OGDH: variants seen among roughly 807,000 people sequenced by gnomAD.
The protein encoded by OGDH is oxoglutarate dehydrogenase.
Under a neutral mutation model 116.6 loss-of-function variants are expected in OGDH, and 38 were observed. The observed-to-expected ratio is 0.33, with a 90% CI of 0.25 to 0.43. The LOEUF (loss-of-function observed/expected upper bound fraction) is 0.43, where lower values mean the gene tolerates loss of function less well. Ranked by LOEUF, OGDH falls within the 20% of genes least tolerant of loss-of-function variation. The pLI is 1.00. For synonymous variants in OGDH, 488 were observed against 533.3 expected, an observed-to-expected ratio of 0.92 and a Z score of 1.17; for missense variants, 825 against 1,357.2, an observed-to-expected ratio of 0.61 and a Z score of 6.16.
intron 2 of OGDH, among the ~76,000 whole-genome samples, chr7:44,626,588 C>T (rs1302253993): frequency 6.6e-6 from 1 of 152,140 alleles, no homozygotes; most frequent in Non-Finnish European, 1.5e-5. Context: ...ACTGCATGTC[C>T]TTGTGAAGGT....
Position 44,647,773 on chromosome 7 carries a change from A to AC in OGDH, c.517+14_517+15insC. On this transcript the variant is annotated intron_variant, in intron 4 of 22. Coordinates refer to ENST00000222673, the MANE Select transcript of OGDH (RefSeq NM_002541.4). ...CAGACAAACTTGGTGAGGGTCTGAG[A>AC]GCAGTCAGCTGCGTTGCTTGAGCTC... 3 of 1,606,998 alleles carry AC rather than the reference A, an allele frequency of 1.9e-6. No homozygotes were observed. The highest frequency in any genetic ancestry group is 2.6e-6 in the Non-Finnish European group (3 of 1,173,636).
chr7:44,676,318 G>T, intron 9 of OGDH, 169 bp downstream of exon 9: 2 of 1,438,210 alleles, frequency 1.4e-6, no homozygotes, highest in Non-Finnish European at 1.9e-6. Flanking sequence ...CACTTTGGGA[G>T]GCCGAGGTGG....
intron 4 of OGDH, among the ~76,000 whole-genome samples, chr7:44,652,045 A>G (rs1262682373): frequency 6.6e-6 from 1 of 151,758 alleles, no homozygotes; most frequent in African/African-American, 2.4e-5. Flanking sequence ...TTAATTTTAG[A>G]ACAGTTTCTC....
At chr7:44,617,699 C>T (rs1232071235) in intron 1 of OGDH, among the ~76,000 whole-genome samples, 2 of 152,154 alleles carry the variant, frequency 1.3e-5, no homozygotes, top group East Asian at 3.8e-4. Flanking sequence ...CATGATTCAT[C>T]AGAAGAATTG....
At chr7:44,670,976 A>C (rs1431948609) in intron 5 of OGDH, among the ~76,000 whole-genome samples, 1 of 145,184 alleles carries the variant, frequency 6.9e-6, no homozygotes, top group Non-Finnish European at 1.5e-5. Flanking sequence ...GTGCTACTGC[A>C]CTCCAGCCTG....
chr7:44,647,594 CCT>C (rs1390597837), intron 3 of OGDH, 61 bp from the exon 4 acceptor site: 1 of 1,585,968 alleles, frequency 6.3e-7, no homozygotes, highest in Non-Finnish European at 8.6e-7. Context: ...TTACCCCTTC[CCT>C]CTTTTTTTTT....
Position 44,708,368 on chromosome 7 carries a change from C to T in OGDH, c.*369C>T, listed in dbSNP as rs1208297034. ...CCTTGTGTGCTGGCTTCCGCTGTCA[C>T]CCAGCAAGGCACAGGCTCCTGTATT... On this transcript the variant is annotated 3_prime_UTR_variant, in exon 23 of 23. Transcript: ENST00000222673. 5.5e-6 allele frequency: 1 copy of T among 183,282 alleles called. No homozygotes were observed. Among genetic ancestry groups the T allele is most frequent in the African/African-American group, 2.4e-5 (1 of 42,362 alleles). 11.4% of individuals were successfully genotyped at this position (183,282 alleles called of 1,614,324 possible).
chr7:44,607,016 C>T (rs963621677), intron 1 of OGDH, among the ~76,000 whole-genome samples: 8 of 152,296 alleles, frequency 5.3e-5, no homozygotes, highest in Non-Finnish European at 7.4e-5. Flanking sequence ...GCAGGGGTGA[C>T]CCCCAAGGTC....
intron 1 of OGDH, among the ~76,000 whole-genome samples, chr7:44,607,484 T>C (rs1784399210): frequency 6.6e-6 from 1 of 152,190 alleles, no homozygotes; most frequent in Non-Finnish European, 1.5e-5. Flanking sequence ...TTGCAGTCCG[T>C]ACTTTGAGGC....
chr7:44,682,700 TA>T (rs1787980693), intron 10 of OGDH, among the ~76,000 whole-genome samples: 2 of 151,006 alleles, frequency 1.3e-5, no homozygotes, highest in South Asian at 2.1e-4. Context: ...AAAAAAAAAT[TA>T]AAAAAATTAG....
intron 7 of OGDH, chr7:44,674,828 C>T (rs1787618259): frequency 1.8e-6 from 1 of 541,860 alleles, no homozygotes; most frequent in Non-Finnish European, 3.3e-6. Context: ...AAATTAAACC[C>T]AAGTTCCCTT....
chr7:44,672,954 C>G (rs1016086571), intron 5 of OGDH, among the ~76,000 whole-genome samples: 1 of 152,060 alleles, frequency 6.6e-6, no homozygotes, highest in Admixed American at 6.5e-5. Context: ...AGATGGACTT[C>G]TAAGAGCCTG....
intron 1 of OGDH, among the ~76,000 whole-genome samples, chr7:44,614,312 G>GGTTTTTTTATTTTTTTTTTTTTTTTTTT (rs1784686605): frequency 7.1e-6 from 1 of 140,268 alleles, no homozygotes; most frequent in Non-Finnish European, 1.5e-5. Context: ...TGTTTTTTTT[G>GGTTTTTTTATTTTTTTTTTTTTTTTTTT]TTTGTTTGTT....
rs149420738 is a variant in OGDH, at chr7:44,629,823, G to A, written c.222+5258G>A. 1.2e-3 allele frequency among the ~76,000 whole-genome samples: 181 copies of A among 152,196 alleles called. 1 individual carries two copies. Among genetic ancestry groups the A allele is most frequent in the African/African-American group, 4.2e-3 (174 of 41,510 alleles). On this transcript the variant is annotated intron_variant, in intron 2 of 22. Transcript: ENST00000222673. ...TTGAACTCCCGACCTCAGGTGATCC[G>A]ACCGCCTCGGCCTCCCAAAGTTCTG... is the stretch of plus-strand genomic sequence containing the variant.
chr7:44,670,650 CTCT>C (rs757088095), intron 5 of OGDH, among the ~76,000 whole-genome samples: 13 of 152,176 alleles, frequency 8.5e-5, no homozygotes, highest in African/African-American at 1.2e-4. Flanking sequence ...CAACTACACC[CTCT>C]TCTTGTATTT....
intron 2 of OGDH, among the ~76,000 whole-genome samples, chr7:44,642,269 A>G (rs1785976434): frequency 6.6e-6 from 1 of 151,982 alleles, no homozygotes; most frequent in South Asian, 2.1e-4. Context: ...ATATTTAGTA[A>G]AAAAATTAGC....
At chr7:44,638,464 T>C (rs1430189646) in intron 2 of OGDH, among the ~76,000 whole-genome samples, 1 of 152,212 alleles carries the variant, frequency 6.6e-6, no homozygotes, top group East Asian at 1.9e-4. Context: ...GATTGTGTAT[T>C]CTCAAGTCTG....
chr7:44,616,621 A>C (rs1022946146), intron 1 of OGDH, among the ~76,000 whole-genome samples: 1 of 149,364 alleles, frequency 6.7e-6, no homozygotes, highest in African/African-American at 2.5e-5. Flanking sequence ...ATATATGTAT[A>C]TATATATACA....
At chr7:44,635,365 T>C (rs1785618121) in intron 2 of OGDH, among the ~76,000 whole-genome samples, 2 of 152,334 alleles carry the variant, frequency 1.3e-5, no homozygotes, top group East Asian at 3.9e-4. Context: ...CTGGGCCTCA[T>C]CAACTTATCA....
Sources: allele counts gnomAD v4.1 joint callset (sites outside exome capture counted in the v4.1 genomes callset), GRCh38; gene constraint gnomAD v4.1.1; transcripts MANE v1.5; gene names NCBI Gene and HGNC (gene_info 2026-07-23, HGNC 2026-07-21).